The following KIAA2012 variants were observed in gnomAD, a reference collection of about 807,000 sequenced individuals.
The protein encoded by KIAA2012 is uncharacterized protein KIAA2012.
A neutral mutation model predicts 150.6 loss-of-function variants in KIAA2012; 125 were observed. The observed-to-expected ratio is 0.83, with a 90% CI of 0.72 to 0.96. KIAA2012 has a LOEUF of 0.96. Ranked by LOEUF, KIAA2012 falls within the 40% of genes least tolerant of loss-of-function variation. The pLI is 0.00. For synonymous variants in KIAA2012, 462 were observed against 504.7 expected (o/e 0.92, Z 1.13); for missense variants, 1,219 against 1,354.9 (o/e 0.90, Z 1.57).
chr2:202,172,621 G>C (rs1353652179), intron 15 of KIAA2012, among the ~76,000 whole-genome samples: 1 of 152,202 alleles, frequency 6.6e-6, no homozygotes, highest in Non-Finnish European at 1.5e-5. Flanking sequence ...GTTTCGTTTT[G>C]AAGACTTTTC....
At chr2:202,102,496 G>GAT (rs1690072849) in intron 7 of KIAA2012, among the ~76,000 whole-genome samples, 1 of 152,176 alleles carries the variant, frequency 6.6e-6, no homozygotes. Context: ...GCTTGGCTTA[G>GAT]ATAAGGTCAG....
Position 202,154,810 on chromosome 2 carries a change from G to A in KIAA2012, c.2046G>A (p.Lys682=), listed in dbSNP as rs1290129374. ...KLHIDMTPFL[K]ESGNALDYQE... The stretch of plus-strand genomic sequence containing the variant: ...ACATCGACATGACGCCGTTCCTGAA[G>A]GTGATCTCACACTGAGAAGACGAGG... The change falls in exon 14 of 24, where the codon AAG becomes AAA. Residue 682 remains lysine (K), a splice_region_variant and synonymous_variant. Transcript: ENST00000498697. 3 of 1,546,228 alleles carry A rather than the reference G, an allele frequency of 1.9e-6. No homozygotes were observed. Among genetic ancestry groups the A allele is most frequent in the South Asian group, 1.2e-5 (1 of 83,044 alleles).
At chr2:202,196,234 G>A (rs1267109190) in intron 21 of KIAA2012, among the ~76,000 whole-genome samples, 9 of 118,152 alleles carry the variant, frequency 7.6e-5, no homozygotes, top group African/African-American at 2.7e-4. Flanking sequence ...TCGCTCTGTC[G>A]CCAAGGCTTG....
intron 13 of KIAA2012, among the ~76,000 whole-genome samples, chr2:202,142,399 GA>G (rs1691212265): frequency 1.3e-5 from 2 of 152,092 alleles, no homozygotes; most frequent in Non-Finnish European, 2.9e-5. Flanking sequence ...CAGAAAAAAA[GA>G]AAAAAGTCAG....
chr2:202,187,240 T>C, intron 17 of KIAA2012, 142 bp downstream of exon 17: 1 of 860,572 alleles, frequency 1.2e-6, no homozygotes, highest in East Asian at 2.7e-5. Context: ...CAGCCTGTGG[T>C]CTGCTTACCA....
chr2:202,160,382 C>T (rs921086960), intron 14 of KIAA2012, among the ~76,000 whole-genome samples: 11 of 142,994 alleles, frequency 7.7e-5, no homozygotes, highest in Non-Finnish European at 1.0e-4. Flanking sequence ...GGCGTGATCT[C>T]GGCTCACTGC....
chr2:202,188,039 A>T, intron 17 of KIAA2012, 113 bp from the exon 18 acceptor site: 1 of 833,612 alleles, frequency 1.2e-6, no homozygotes, highest in Non-Finnish European at 1.8e-6. Context: ...CCTGGAACCC[A>T]CACAAATTCC....
rs534051379 is a variant in KIAA2012, at chr2:202,099,062, A to G, written c.829-551A>G. Among the ~76,000 whole-genome samples the G allele has an allele frequency of 2.3e-4, 35 of 152,130 alleles. No individual in the cohort carries two copies. The East Asian group carries it at 5.6e-3, about 24-fold the overall frequency. ...GAGTGCAGAGGTGCTACCACAGTTC[A>G]CTGCAGGCTTGACCTCCTGGGCTCA... is the stretch of plus-strand genomic sequence containing the variant. On this transcript the variant is annotated intron_variant, in intron 5 of 23. Coordinates refer to ENST00000498697, the MANE Select transcript of KIAA2012 (RefSeq NM_001277372.4).
chr2:202,171,783 C>T (rs1448149453), intron 15 of KIAA2012, among the ~76,000 whole-genome samples: 3 of 150,982 alleles, frequency 2.0e-5, no homozygotes, highest in Non-Finnish European at 4.4e-5. Flanking sequence ...TTAATTGATA[C>T]TGTTTTATTT....
Position 202,073,633 on chromosome 2 carries a change from C to G in KIAA2012, c.6C>G (p.Phe2Leu), listed in dbSNP as rs1466802224. 6.5e-7 allele frequency: 1 copy of G among 1,550,330 alleles called. No individual in the cohort carries two copies. Among genetic ancestry groups the G allele is most frequent in the South Asian group, 1.2e-5 (1 of 84,016 alleles). MFTLSLLSRGHG... is the reference protein window; with the variant it reads MLTLSLLSRGHG... ...AGGGGTGGTCAGAGGGAAACATGTT[C>G]ACGCTCTCCCTCCTGAGCCGGGGCC... Residue 2 changes from phenylalanine (F) to leucine (L), a missense_variant, in exon 1 of 24, where the codon TTC becomes TTG. Transcript: ENST00000498697.
At chr2:202,101,744 A>G (rs980165610) in intron 7 of KIAA2012, among the ~76,000 whole-genome samples, 2 of 152,204 alleles carry the variant, frequency 1.3e-5, no homozygotes, top group African/African-American at 4.8e-5. Flanking sequence ...CGGCACCTGG[A>G]CAGTGAGGGT....
At chr2:202,155,989 C>A (rs1396447748) in intron 14 of KIAA2012, among the ~76,000 whole-genome samples, 1 of 152,062 alleles carries the variant, frequency 6.6e-6, no homozygotes, top group Non-Finnish European at 1.5e-5. Context: ...TGCCATTGGC[C>A]CACCCTGGAG....
intron 6 of KIAA2012, 95 bp from the exon 7 acceptor site, chr2:202,100,212 C>G: frequency 7.5e-7 from 1 of 1,326,648 alleles, no homozygotes; most frequent in East Asian, 2.5e-5. Flanking sequence ...GCCTGCCTTT[C>G]TCCCCATTAA....
chr2:202,179,337 C>G, intron 15 of KIAA2012: 1 of 1,088,942 alleles, frequency 9.2e-7, no homozygotes, highest in Non-Finnish European at 1.4e-6. Flanking sequence ...ACATTCAGCC[C>G]GTCTGATAAA....
intron 23 of KIAA2012, among the ~76,000 whole-genome samples, chr2:202,203,527 T>G (rs1409510535): frequency 6.6e-6 from 1 of 152,204 alleles, no homozygotes; most frequent in East Asian, 1.9e-4. Flanking sequence ...TATTTAAACT[T>G]GTTAAAACAT....
intron 10 of KIAA2012, among the ~76,000 whole-genome samples, chr2:202,110,618 G>A (rs751447773): frequency 2.6e-5 from 4 of 152,164 alleles, no homozygotes; most frequent in Non-Finnish European, 4.4e-5. Flanking sequence ...AGGTATCTCT[G>A]TTAACAGCAG....
intron 13 of KIAA2012, among the ~76,000 whole-genome samples, chr2:202,144,521 A>C (rs1441513073): frequency 6.6e-6 from 1 of 152,212 alleles, no homozygotes; most frequent in Non-Finnish European, 1.5e-5. Context: ...TGCACACGAA[A>C]AAAAAACAAA....
At chr2:202,130,281 A>T (rs567567787) in intron 12 of KIAA2012, among the ~76,000 whole-genome samples, 2 of 152,314 alleles carry the variant, frequency 1.3e-5, no homozygotes, top group African/African-American at 4.8e-5. Flanking sequence ...ATAGATACAC[A>T]CTAGGAGTAT....
Position 202,165,196 on chromosome 2 carries a change from T to C in KIAA2012, c.2047-88T>C, listed in dbSNP as rs558803232. On this transcript the variant is annotated intron_variant, in intron 14 of 23. Transcript: ENST00000498697. ...ACCACTAAGAAAACTGGCTTCCCTC[T>C]TACCAAAGGTCATGGGATCACAGAA... 185 of 1,287,540 alleles carry C rather than the reference T, an allele frequency of 1.4e-4. 2 individuals are homozygous for C. The South Asian group carries it at 2.4e-3, about 16-fold the overall frequency. 79.8% of individuals were successfully genotyped at this position (1,287,540 alleles called of 1,614,324 possible). A position where few individuals can be genotyped will look rare whatever the true frequency, so the allele number is the denominator to read the frequency against.
Sources: allele counts gnomAD v4.1 joint callset (sites outside exome capture counted in the v4.1 genomes callset), GRCh38; gene constraint gnomAD v4.1.1; transcripts MANE v1.5; gene names NCBI Gene and HGNC (gene_info 2026-07-23, HGNC 2026-07-21).